DSCAML1: variants seen among roughly 807,000 people sequenced by gnomAD.
The protein encoded by DSCAML1 is DS cell adhesion molecule like 1, also known as cell adhesion molecule DSCAML1.
DSCAML1 carries 38 observed loss-of-function variants against 200.5 expected under a neutral mutation model. The ratio of observed to expected loss-of-function variants is 0.19; its 90% confidence interval spans 0.15 to 0.25. The LOEUF (loss-of-function observed/expected upper bound fraction) is 0.25. Ranked by LOEUF, DSCAML1 falls within the 10% of genes least tolerant of loss-of-function variation. The pLI is 1.00. For missense variants in DSCAML1, 2,223 were observed against 2,858.8 expected (o/e 0.78, Z 5.07); for synonymous variants, 1,215 against 1,165.0 (o/e 1.04, Z -0.87).
At chr11:117,588,689 T>C (rs1453441363) in intron 3 of DSCAML1, among the ~76,000 whole-genome samples, 1 of 152,168 alleles carries the variant, frequency 6.6e-6, no homozygotes, top group African/African-American at 2.4e-5. Context: ...ACATGTGAGA[T>C]GCTTGTATCC....
At chr11:117,478,924 G>C (rs2048852061) in intron 14 of DSCAML1, among the ~76,000 whole-genome samples, 1 of 152,206 alleles carries the variant, frequency 6.6e-6, no homozygotes, top group African/African-American at 2.4e-5. Context: ...TGAACTCCTG[G>C]GTGGCTTACC....
chr11:117,796,666 C>T (rs2055582676), intron 1 of DSCAML1, among the ~76,000 whole-genome samples: 2 of 152,332 alleles, frequency 1.3e-5, no homozygotes, highest in South Asian at 4.1e-4. Flanking sequence ...CTGAGGACCC[C>T]TCGACTCGGA....
intron 3 of DSCAML1, among the ~76,000 whole-genome samples, chr11:117,657,292 T>C (rs554597746): frequency 4.8e-4 from 73 of 151,948 alleles, no homozygotes; most frequent in African/African-American, 1.7e-3. Flanking sequence ...CAAAGAAAAA[T>C]GAGCCAGCCA....
At position 117,428,433 on chromosome 11, in the gene DSCAML1, T is replaced by C; in HGVS notation, c.6057A>G (p.Lys2019=). ...GAAGCGAGTCCCTGGAGCCCCCCAT[T>C]TTGGTGTGTGGGCCCCCGGCTCGTG... ...EPPRAGGPHT[K]MGGSRDSLLE... is the part of the protein sequence containing the mutation. Residue 2019 remains lysine (K), a synonymous_variant, in exon 33 of 33, where the codon AAA becomes AAG. Coordinates refer to ENST00000651296, the MANE Select transcript of DSCAML1 (RefSeq NM_020693.4). 1 of 1,544,560 alleles carries C rather than the reference T, an allele frequency of 6.5e-7. No homozygotes were observed.
chr11:117,461,402 A>C, intron 18 of DSCAML1, 48 bp downstream of exon 18: 1 of 1,612,756 alleles, frequency 6.2e-7, no homozygotes, highest in Non-Finnish European at 8.5e-7. Context: ...GACTCCACTG[A>C]CCTGCGCCTC....
chr11:117,717,321 A>C (rs992447147), intron 3 of DSCAML1, among the ~76,000 whole-genome samples: 9 of 150,522 alleles, frequency 6.0e-5, no homozygotes, highest in Admixed American at 4.0e-4. Flanking sequence ...CTCGAAGGCC[A>C]CCTCCTTCAT....
chr11:117,610,890 A>G (rs1332393052), intron 3 of DSCAML1, among the ~76,000 whole-genome samples: 1 of 136,964 alleles, frequency 7.3e-6, no homozygotes, highest in Non-Finnish European at 1.6e-5. Flanking sequence ...TTGTATGAAG[A>G]GGTTACTTCC....
chr11:117,657,916 T>C (rs962401828), intron 3 of DSCAML1, among the ~76,000 whole-genome samples: 38 of 152,236 alleles, frequency 2.5e-4, no homozygotes, highest in African/African-American at 8.9e-4. Flanking sequence ...CAAGGAGGGA[T>C]TGACTCTGGT....
chr11:117,781,713 C>T (rs2055266846), intron 1 of DSCAML1, among the ~76,000 whole-genome samples: 1 of 152,212 alleles, frequency 6.6e-6, no homozygotes, highest in Non-Finnish European at 1.5e-5. Flanking sequence ...TCGTCTGCTC[C>T]TTCACTTGGA....
intron 3 of DSCAML1, among the ~76,000 whole-genome samples, chr11:117,769,246 A>ATAT (rs762407388): frequency 3.0e-4 from 1 of 3,298 alleles, no homozygotes; most frequent in African/African-American, 4.4e-4. Context: ...TATTTTATAT[A>ATAT]TGTATATATT....
At chr11:117,512,355 T>C (rs1371027899) in intron 8 of DSCAML1, among the ~76,000 whole-genome samples, 1 of 152,064 alleles carries the variant, frequency 6.6e-6, no homozygotes, top group African/African-American at 2.4e-5. Flanking sequence ...CTTGGGTAGT[T>C]CTTGGAACAG....
intron 4 of DSCAML1, among the ~76,000 whole-genome samples, chr11:117,531,078 G>A (rs926976875): frequency 6.6e-6 from 1 of 152,170 alleles, no homozygotes; most frequent in African/African-American, 2.4e-5. Context: ...AGTGTGCATC[G>A]CGCAGGCTGT....
chr11:117,644,981 C>A (rs1488247991), intron 3 of DSCAML1, among the ~76,000 whole-genome samples: 3 of 152,260 alleles, frequency 2.0e-5, no homozygotes, highest in African/African-American at 7.2e-5. Context: ...CTCAGAGTCA[C>A]AGACAGGGCC....
chr11:117,527,570 G>T (rs1193758829), intron 4 of DSCAML1, among the ~76,000 whole-genome samples: 1 of 152,206 alleles, frequency 6.6e-6, no homozygotes, highest in Non-Finnish European at 1.5e-5. Context: ...TAGGGAGCTT[G>T]AGGCACAAAG....
chr11:117,439,170 G>A, intron 23 of DSCAML1, 96 bp downstream of exon 23: 5 of 1,517,758 alleles, frequency 3.3e-6, no homozygotes, highest in Non-Finnish European at 4.5e-6. Flanking sequence ...CCCTTGGTTT[G>A]GCTTCTTCCA....
Position 117,519,184 on chromosome 11 carries a change from A to G in DSCAML1, c.1214-422T>C, listed in dbSNP as rs540938540. 3.3e-5 allele frequency among the ~76,000 whole-genome samples: 5 copies of G among 152,324 alleles called. No individual in the cohort carries two copies. In the East Asian group the frequency reaches 7.7e-4, roughly 23 times the overall value. Reference sequence around the variant, plus strand: ...GCTTCCTCTCAACTCTTCCTCTATTAATAAAGACACAAGCTCAGAAGTTAA... The same window carrying G: ...GCTTCCTCTCAACTCTTCCTCTATTGATAAAGACACAAGCTCAGAAGTTAA... On this transcript the variant is annotated intron_variant, in intron 6 of 32. Coordinates refer to ENST00000651296, the MANE Select transcript of DSCAML1 (RefSeq NM_020693.4).
In DSCAML1 at chr11:117,524,935, G is replaced by C; in HGVS notation, c.807C>G (p.Asp269Glu). 1 of 1,613,728 alleles carries C rather than the reference G, an allele frequency of 6.2e-7. No individual in the cohort carries two copies. The highest frequency in any genetic ancestry group is 8.5e-7 in the Non-Finnish European group (1 of 1,179,910). ...CTGTGATGCGCTTGGTCCAGCGGCTGTCAGCCGGGAGGGGCCGGCCATCCT... is the reference window on the plus strand; with the variant it reads ...CTGTGATGCGCTTGGTCCAGCGGCTCTCAGCCGGGAGGGGCCGGCCATCCT... ...WLKDGRPLPADSRWTKRITGL... is the reference protein window; with the variant it reads ...WLKDGRPLPAESRWTKRITGL... Residue 269 changes from aspartate (D) to glutamate (E), a missense_variant, in exon 5 of 33, where the codon GAC becomes GAG. Physicochemically the swap from Asp to Glu is conservative, Grantham distance 45. Around this residue, in one of 7 missense-constraint regions of DSCAML1, gnomAD observed 579 missense variants for 721.5 expected, o/e 0.80. Transcript: ENST00000651296.
At chr11:117,778,533 A>AT (rs1192209603) in intron 2 of DSCAML1, among the ~76,000 whole-genome samples, 3 of 152,254 alleles carry the variant, frequency 2.0e-5, no homozygotes, top group Non-Finnish European at 4.4e-5. Context: ...GGAAATCACC[A>AT]TAAGAGCAGC....
intron 3 of DSCAML1, among the ~76,000 whole-genome samples, chr11:117,567,945 C>T (rs1308559458): frequency 6.6e-6 from 1 of 152,140 alleles, no homozygotes; most frequent in Admixed American, 6.5e-5. Flanking sequence ...GACCAATAGC[C>T]TTGATGAACA....
Sources: gnomAD v4.1 joint callset for allele counts (sites outside exome capture counted in the v4.1 genomes callset) on GRCh38, gnomAD v4.1.1 for gene constraint, gnomAD v4.1.1 regional missense constraint, MANE v1.5 for transcripts, NCBI Gene and HGNC (gene_info 2026-07-23, HGNC 2026-07-21) for gene names.